Variants in UBAC2 observed in about 807,000 individuals in gnomAD.
UBAC2 encodes the protein ubiquitin-associated domain-containing protein 2.
In UBAC2, 26 loss-of-function variants were observed where a neutral mutation model predicts 44.0. That is an observed-to-expected ratio of 0.59 (90% CI 0.43 to 0.82). The LOEUF is 0.82. Ranked by LOEUF, UBAC2 falls within the 40% of genes least tolerant of loss-of-function variation. UBAC2 has a pLI of 0.00. For synonymous variants in UBAC2, 155 were observed against 154.3 expected, an observed-to-expected ratio of 1.00 and a Z score of -0.04; for missense variants, 329 against 419.4, an observed-to-expected ratio of 0.78 and a Z score of 1.88.
chr13:99,306,188 AC>A (rs2044331810), intron 4 of UBAC2, among the ~76,000 whole-genome samples: 1 of 152,126 alleles, frequency 6.6e-6, no homozygotes, highest in Non-Finnish European at 1.5e-5. Context: ...GAGCCACCAC[AC>A]CCAGCCTGAT....
chr13:99,362,547 C>T lies in UBAC2; in HGVS notation c.808-5240C>T, dbSNP rs575754094. ...AGTATTGTTGGGCTGTGTATTTTTG[C>T]GAGTCTTGTGGGTATAAAATAACTT... On this transcript the variant is annotated intron_variant, in intron 7 of 8. Transcript: ENST00000403766. 1.2e-4 allele frequency among the ~76,000 whole-genome samples: 19 copies of T among 152,228 alleles called. No individual in the cohort carries two copies. The South Asian group carries it at 2.1e-3, about 17-fold the overall frequency.
chr13:99,284,970 C>G lies in UBAC2; in HGVS notation c.390-29127C>G, dbSNP rs368418472. ...GAGAGAATAAAATGAGCCCTATTAC[C>G]CAGATTCAGTAATTAACATTTTTGC... On this transcript the variant is annotated intron_variant, in intron 4 of 8. Transcript: ENST00000403766. Among the ~76,000 whole-genome samples the G allele has an allele frequency of 1.6e-4, 24 of 152,176 alleles. No homozygotes were observed. In the South Asian group the frequency reaches 5.0e-3, roughly 32 times the overall value.
intron 5 of UBAC2, among the ~76,000 whole-genome samples, chr13:99,315,566 G>C (rs764227100): frequency 1.4e-4 from 21 of 152,098 alleles, no homozygotes; most frequent in Non-Finnish European, 2.8e-4. Flanking sequence ...GTTGAATTTC[G>C]GTTTAATGAC....
chr13:99,371,551 T>G (rs2045407021), intron 8 of UBAC2, among the ~76,000 whole-genome samples: 1 of 152,244 alleles, frequency 6.6e-6, no homozygotes, highest in African/African-American at 2.4e-5. Flanking sequence ...TTGTATAATC[T>G]CTTGGCCAGT....
intron 7 of UBAC2, among the ~76,000 whole-genome samples, chr13:99,363,765 G>A (rs941333387): frequency 6.6e-6 from 1 of 152,204 alleles, no homozygotes; most frequent in Non-Finnish European, 1.5e-5. Flanking sequence ...TCCAAAGGGG[G>A]AAAATGGATA....
At chr13:99,268,392 C>T (rs1049958729) in intron 4 of UBAC2, among the ~76,000 whole-genome samples, 4 of 151,996 alleles carry the variant, frequency 2.6e-5, no homozygotes, top group Admixed American at 6.6e-5. Flanking sequence ...GCAGGCAGAT[C>T]GTTTGAGTCC....
intron 4 of UBAC2, among the ~76,000 whole-genome samples, chr13:99,272,575 T>C (rs2043829531): frequency 6.6e-6 from 1 of 152,176 alleles, no homozygotes; most frequent in South Asian, 2.1e-4. Flanking sequence ...GATCAGGATG[T>C]TGGCATGGTC....
At chr13:99,339,090 T>G (rs1292845905) in intron 6 of UBAC2, among the ~76,000 whole-genome samples, 1 of 152,108 alleles carries the variant, frequency 6.6e-6, no homozygotes, top group Non-Finnish European at 1.5e-5. Flanking sequence ...AATCCTTATC[T>G]CGACCTTTTC....
chr13:99,367,445 A>G lies in UBAC2; in HGVS notation c.808-342A>G, dbSNP rs530471987. Among the ~76,000 whole-genome samples the G allele has an allele frequency of 1.2e-4, 18 of 152,282 alleles. No individual in the cohort carries two copies. The South Asian group carries it at 3.5e-3, about 30-fold the overall frequency. ...CCCTGCAAAGCCCTGAGCTCCTAAG[A>G]GTTAACTGGAGTTGGGACAGTCAGT... is the stretch of plus-strand genomic sequence containing the variant. On this transcript the variant is annotated intron_variant, in intron 7 of 8. Coordinates refer to ENST00000403766, the MANE Select transcript of UBAC2 (RefSeq NM_001144072.2).
chr13:99,227,633 A>C (rs1451529423), intron 1 of UBAC2, among the ~76,000 whole-genome samples: 1 of 152,132 alleles, frequency 6.6e-6, no homozygotes, highest in African/African-American at 2.4e-5. Flanking sequence ...CATAGGATTT[A>C]TTTCCATCTG....
At chr13:99,224,944 T>C (rs1322901535) in intron 1 of UBAC2, among the ~76,000 whole-genome samples, 3 of 152,206 alleles carry the variant, frequency 2.0e-5, no homozygotes, top group Non-Finnish European at 4.4e-5. Flanking sequence ...TGCAACTGTT[T>C]GGATATTTGT....
At chr13:99,354,963 T>G (rs893024426) in intron 7 of UBAC2, among the ~76,000 whole-genome samples, 1 of 151,550 alleles carries the variant, frequency 6.6e-6, no homozygotes, top group Non-Finnish European at 1.5e-5. Flanking sequence ...GAGAGCTGAG[T>G]CCAGACATGA....
At chr13:99,224,884 A>G (rs905828780) in intron 1 of UBAC2, among the ~76,000 whole-genome samples, 5 of 152,218 alleles carry the variant, frequency 3.3e-5, no homozygotes, top group Non-Finnish European at 5.9e-5. Context: ...TCTTGAGTTG[A>G]TGAGCGAATC....
intron 1 of UBAC2, among the ~76,000 whole-genome samples, chr13:99,232,646 G>A (rs1161661266): frequency 2.0e-5 from 3 of 152,098 alleles, no homozygotes; most frequent in Non-Finnish European, 4.4e-5. Flanking sequence ...TGTAGGCCAG[G>A]CATGGTGGCT....
At chr13:99,364,226 G>C (rs2045302162) in intron 7 of UBAC2, among the ~76,000 whole-genome samples, 1 of 151,218 alleles carries the variant, frequency 6.6e-6, no homozygotes, top group Admixed American at 6.6e-5. Context: ...TTCATGAATG[G>C]GTATTGAATT....
At chr13:99,218,951 C>G (rs1026867112) in intron 1 of UBAC2, among the ~76,000 whole-genome samples, 1 of 152,152 alleles carries the variant, frequency 6.6e-6, no homozygotes, top group Non-Finnish European at 1.5e-5. Context: ...CATGGGTTTA[C>G]TGTGCTTTTG....
intron 1 of UBAC2, among the ~76,000 whole-genome samples, chr13:99,226,048 A>G (rs1309380656): frequency 2.0e-5 from 3 of 152,206 alleles, no homozygotes; most frequent in African/African-American, 7.2e-5. Flanking sequence ...TCATAGCAGG[A>G]CTTCATCCCT....
At chr13:99,323,193 T>C (rs1343568609) in intron 6 of UBAC2, among the ~76,000 whole-genome samples, 2 of 152,068 alleles carry the variant, frequency 1.3e-5, no homozygotes, top group African/African-American at 4.8e-5. Context: ...AAGAGTGGTA[T>C]AGGTAGCAGC....
intron 1 of UBAC2, among the ~76,000 whole-genome samples, chr13:99,214,080 A>G (rs2042964196): frequency 6.6e-6 from 1 of 151,980 alleles, no homozygotes; most frequent in Non-Finnish European, 1.5e-5. Flanking sequence ...CATCCTCCCA[A>G]AGTGCTGGGA....
Sources: gnomAD v4.1 joint callset for allele counts (sites outside exome capture counted in the v4.1 genomes callset) on GRCh38, gnomAD v4.1.1 for gene constraint, MANE v1.5 for transcripts, NCBI Gene and HGNC (gene_info 2026-07-23, HGNC 2026-07-21) for gene names.